The following GALNT10 variants were observed in gnomAD, a reference collection of about 807,000 sequenced individuals.
The protein encoded by GALNT10 is GalNAc transferase 10.
In GALNT10, 41 loss-of-function variants were observed where a neutral mutation model predicts 75.0. The ratio of observed to expected loss-of-function variants is 0.55; its 90% CI spans 0.43 to 0.71. The LOEUF is 0.71. Among genes scored for constraint, GALNT10 ranks in the 30% least tolerant of loss-of-function variants. GALNT10 has a pLI of 0.00. For synonymous variants in GALNT10, 302 were observed against 313.0 expected (o/e 0.96, Z 0.37); for missense variants, 727 against 818.5 (o/e 0.89, Z 1.36).
intron 4 of GALNT10, among the ~76,000 whole-genome samples, chr5:154,354,234 C>G (rs1297011168): frequency 6.6e-6 from 1 of 152,112 alleles, no homozygotes; most frequent in Non-Finnish European, 1.5e-5. Context: ...AGCCTGTGTC[C>G]TCTAGAAAAC....
At chr5:154,405,023 G>A (rs1182297730) in intron 8 of GALNT10, among the ~76,000 whole-genome samples, 2 of 152,212 alleles carry the variant, frequency 1.3e-5, no homozygotes, top group African/African-American at 4.8e-5. Context: ...GAAAAATGAA[G>A]AGGAGGGAGG....
intron 8 of GALNT10, among the ~76,000 whole-genome samples, chr5:154,408,044 A>G (rs564128267): frequency 6.6e-6 from 1 of 152,340 alleles, no homozygotes; most frequent in African/African-American, 2.4e-5. Context: ...GGGAATGGGA[A>G]TCAAAAGAAG....
At position 154,190,793 on chromosome 5, in the gene GALNT10, G is replaced by GCGGACGGA; in HGVS notation, c.-67_-66insACGGACGG. 1 of 781,482 alleles carries GCGGACGGA rather than the reference G, an allele frequency of 1.3e-6. No individual in the cohort carries two copies. The highest frequency in any genetic ancestry group is 1.6e-6 in the Non-Finnish European group (1 of 642,452). The allele number at this position is 781,482 out of a possible 1,614,324, so 48.4% of individuals were successfully genotyped here. ...CTGGCTGAGCTGCTGCCGCCGCCGG[G>GCGGACGGA]CGGACGGGCGGACGCGCGGAGCTGG... is the stretch of plus-strand genomic sequence containing the variant. On this transcript the variant is annotated 5_prime_UTR_variant, in exon 1 of 12. Coordinates refer to ENST00000297107, the MANE Select transcript of GALNT10 (RefSeq NM_198321.4).
chr5:154,237,609 A>G (rs778353732), intron 1 of GALNT10, among the ~76,000 whole-genome samples: 1 of 152,152 alleles, frequency 6.6e-6, no homozygotes, highest in Non-Finnish European at 1.5e-5. Context: ...ACTGCATTAC[A>G]TTAGGTTGCT....
chr5:154,358,191 C>G (rs1010653081), intron 4 of GALNT10, among the ~76,000 whole-genome samples: 6 of 152,150 alleles, frequency 3.9e-5, no homozygotes, highest in African/African-American at 1.2e-4. Context: ...CAATTGGAGG[C>G]CTCGTCTGAT....
In GALNT10 at chr5:154,243,838, T is replaced by C. The variant is rs549537394; in HGVS notation, c.160-50978T>C. 2.2e-3 allele frequency among the ~76,000 whole-genome samples: 335 copies of C among 152,336 alleles called. 3 individuals carry two copies. Among genetic ancestry groups the C allele is most frequent in the Non-Finnish European group, 3.8e-3 (258 of 68,026 alleles). ...CACTCAGAATTCTTCCTCTAAGCCA[T>C]TGTTTGACAGATATTATAAATTGGT... On this transcript the variant is annotated intron_variant, in intron 1 of 11. Coordinates refer to ENST00000297107, the MANE Select transcript of GALNT10 (RefSeq NM_198321.4).
intron 1 of GALNT10, among the ~76,000 whole-genome samples, chr5:154,204,618 C>T (rs1775076897): frequency 6.6e-6 from 1 of 152,198 alleles, no homozygotes; most frequent in African/African-American, 2.4e-5. Context: ...CATGGTCCTT[C>T]TGCAGGACCT....
intron 1 of GALNT10, among the ~76,000 whole-genome samples, chr5:154,278,340 G>A (rs957320281): frequency 6.6e-6 from 1 of 152,216 alleles, no homozygotes; most frequent in African/African-American, 2.4e-5. Flanking sequence ...GGGTAGATGA[G>A]TGGTTGTTGG....
At chr5:154,380,373 G>C in intron 5 of GALNT10, 75 bp from the exon 6 acceptor site, 1 of 1,136,638 alleles carries the variant, frequency 8.8e-7, no homozygotes, top group Middle Eastern at 2.0e-4. Flanking sequence ...ATACAAGTAA[G>C]CTGCAGAACA....
intron 4 of GALNT10, among the ~76,000 whole-genome samples, chr5:154,354,969 A>G (rs1755265002): frequency 6.6e-6 from 1 of 152,216 alleles, no homozygotes; most frequent in Non-Finnish European, 1.5e-5. Context: ...TTGCTTATCT[A>G]ATTCTCATTG....
intron 3 of GALNT10, among the ~76,000 whole-genome samples, chr5:154,299,832 T>A (rs1246560456): frequency 1.7e-3 from 1 of 606 alleles, no homozygotes; most frequent in Non-Finnish European, 3.7e-3. Flanking sequence ...AAATCCCAGA[T>A]TTTTTTTTTT....
chr5:154,210,899 G>A (rs1775186351), intron 1 of GALNT10, among the ~76,000 whole-genome samples: 2 of 152,134 alleles, frequency 1.3e-5, no homozygotes, highest in African/African-American at 2.4e-5. Context: ...GGAATAAAGG[G>A]TTATCATGTC....
intron 6 of GALNT10, 32 bp downstream of exon 6, chr5:154,380,663 G>A: frequency 6.6e-7 from 1 of 1,521,888 alleles, no homozygotes; most frequent in East Asian, 2.3e-5. Flanking sequence ...TGGTCCCAGT[G>A]GCTACCCAGT....
chr5:154,245,391 G>T (rs1753405763), intron 1 of GALNT10, among the ~76,000 whole-genome samples: 1 of 152,200 alleles, frequency 6.6e-6, no homozygotes, highest in African/African-American at 2.4e-5. Flanking sequence ...CCTGACATGG[G>T]TGATCTCATT....
chr5:154,215,338 C>T (rs1002797628), intron 1 of GALNT10, among the ~76,000 whole-genome samples: 1 of 152,134 alleles, frequency 6.6e-6, no homozygotes. Flanking sequence ...AAAAAATTAG[C>T]CGGGTGTGGT....
intron 1 of GALNT10, among the ~76,000 whole-genome samples, chr5:154,224,420 G>A (rs574184488): frequency 1.8e-4 from 27 of 152,150 alleles, no homozygotes; most frequent in Middle Eastern, 6.8e-3. Flanking sequence ...CTTCTTCCTC[G>A]TCCATCTGTA....
intron 1 of GALNT10, among the ~76,000 whole-genome samples, chr5:154,286,932 C>T (rs1383427576): frequency 6.6e-6 from 1 of 152,150 alleles, no homozygotes; most frequent in Non-Finnish European, 1.5e-5. Flanking sequence ...CAGCTTGGTC[C>T]TGGTTATAGT....
intron 4 of GALNT10, among the ~76,000 whole-genome samples, chr5:154,331,943 C>T (rs1284392128): frequency 6.6e-6 from 1 of 152,102 alleles, no homozygotes; most frequent in Non-Finnish European, 1.5e-5. Context: ...TGGGGTCCCT[C>T]CTTTCAGATG....
intron 1 of GALNT10, among the ~76,000 whole-genome samples, chr5:154,206,662 C>A (rs1359915442): frequency 6.6e-6 from 1 of 152,222 alleles, no homozygotes; most frequent in Non-Finnish European, 1.5e-5. Flanking sequence ...TGGGGTCTCT[C>A]AGATGGCAGG....
Sources: allele counts gnomAD v4.1 joint callset (sites outside exome capture counted in the v4.1 genomes callset), GRCh38; gene constraint gnomAD v4.1.1; transcripts MANE v1.5; gene names NCBI Gene and HGNC (gene_info 2026-07-23, HGNC 2026-07-21).